Variants in GRID2 observed in about 807,000 individuals in gnomAD.
GRID2 encodes the protein glutamate receptor ionotropic, delta-2.
A neutral mutation model predicts 114.8 loss-of-function variants in GRID2; 33 were observed. That is an observed-to-expected ratio of 0.29 (90% CI 0.22 to 0.38). GRID2 has a LOEUF of 0.38. Ranked by LOEUF, GRID2 falls within the 10% of genes least tolerant of loss-of-function variation. The pLI, the probability that GRID2 is intolerant of heterozygous loss-of-function variation, is 1.00. For synonymous variants in GRID2, 505 were observed against 449.9 expected, an observed-to-expected ratio of 1.12 and a Z score of -1.55; for missense variants, 1,184 against 1,257.7, an observed-to-expected ratio of 0.94 and a Z score of 0.89.
At chr4:92,340,004 T>C (rs1011875124) in intron 1 of GRID2, among the ~76,000 whole-genome samples, 3 of 152,168 alleles carry the variant, frequency 2.0e-5, no homozygotes, top group Non-Finnish European at 4.4e-5. Context: ...TGGCATTTTC[T>C]TGAAAACTGG....
At chr4:93,056,606 C>T (rs1727268986) in intron 2 of GRID2, among the ~76,000 whole-genome samples, 1 of 151,800 alleles carries the variant, frequency 6.6e-6, no homozygotes. Context: ...TTCTAACTAC[C>T]CTTTTTCAAT....
intron 2 of GRID2, among the ~76,000 whole-genome samples, chr4:92,849,265 A>C (rs1477191302): frequency 6.6e-6 from 1 of 151,956 alleles, no homozygotes; most frequent in Admixed American, 6.6e-5. Context: ...AGGATACATC[A>C]GCAGATGCAT....
chr4:92,769,487 C>T (rs899464597), intron 2 of GRID2, among the ~76,000 whole-genome samples: 1 of 152,196 alleles, frequency 6.6e-6, no homozygotes, highest in African/African-American at 2.4e-5. Context: ...AGTGGGGACT[C>T]TGTATGGGGG....
At chr4:92,901,833 G>C (rs928654520) in intron 2 of GRID2, among the ~76,000 whole-genome samples, 1 of 151,934 alleles carries the variant, frequency 6.6e-6, no homozygotes, top group Non-Finnish European at 1.5e-5. Flanking sequence ...TTGTGTGTGT[G>C]TGTGTGTGTG....
chr4:93,448,793 T>C (rs138440135), intron 10 of GRID2, among the ~76,000 whole-genome samples: 970 of 6,640 alleles, frequency 0.15, 17 homozygotes, highest in African/African-American at 0.33. Context: ...GCCCTCCCCT[T>C]CCCTTCCCTT....
At position 92,309,018 on chromosome 4, in the gene GRID2, C is replaced by T. The variant is rs548227260; in HGVS notation, c.88+4274C>T. Among the ~76,000 whole-genome samples the T allele has an allele frequency of 3.9e-5, 6 of 152,028 alleles. No homozygotes were observed. In the East Asian group the frequency reaches 1.2e-3, roughly 29 times the overall value. On this transcript the variant is annotated intron_variant, in intron 1 of 15. Coordinates refer to ENST00000282020, the MANE Select transcript of GRID2 (RefSeq NM_001510.4). ...ACAATGTTGTTATTAATCAAAGATA[C>T]CAACTATGACATGACTAATAAGCCA... is the stretch of plus-strand genomic sequence containing the variant.
chr4:93,444,526 C>T (rs1721914794), intron 10 of GRID2, among the ~76,000 whole-genome samples: 1 of 151,904 alleles, frequency 6.6e-6, no homozygotes, highest in Non-Finnish European at 1.5e-5. Flanking sequence ...ACCCAAGAAA[C>T]ACTTTTCAAA....
chr4:93,684,862 A>T (rs1454086813), intron 14 of GRID2, among the ~76,000 whole-genome samples: 1 of 152,058 alleles, frequency 6.6e-6, no homozygotes, highest in African/African-American at 2.4e-5. Flanking sequence ...GACCATGACT[A>T]AAGTTTGGTC....
chr4:93,461,371 G>A (rs780421141), intron 11 of GRID2, among the ~76,000 whole-genome samples: 2 of 152,050 alleles, frequency 1.3e-5, no homozygotes, highest in Non-Finnish European at 2.9e-5. Flanking sequence ...ATCAATGACA[G>A]TGTCCATGTA....
intron 2 of GRID2, among the ~76,000 whole-genome samples, chr4:92,773,244 C>T (rs1471367675): frequency 6.6e-6 from 1 of 152,146 alleles, no homozygotes; most frequent in East Asian, 1.9e-4. Context: ...CTCTGAAATG[C>T]CACTCTGGCA....
intron 14 of GRID2, among the ~76,000 whole-genome samples, chr4:93,656,657 C>T (rs537821043): frequency 1.0e-4 from 15 of 149,488 alleles, no homozygotes; most frequent in Non-Finnish European, 1.8e-4. Flanking sequence ...GGTGAAACCC[C>T]GTCTCTACTA....
intron 4 of GRID2, among the ~76,000 whole-genome samples, chr4:93,121,460 G>A (rs918919889): frequency 1.3e-5 from 2 of 152,132 alleles, no homozygotes; most frequent in African/African-American, 2.4e-5. Flanking sequence ...CATTATATCT[G>A]TGAGATTCAT....
intron 10 of GRID2, among the ~76,000 whole-genome samples, chr4:93,450,031 C>T (rs1384572111): frequency 1.3e-5 from 2 of 151,570 alleles, no homozygotes; most frequent in Admixed American, 1.3e-4. Flanking sequence ...TTTATTTGAC[C>T]TTAAATTTAG....
intron 4 of GRID2, among the ~76,000 whole-genome samples, chr4:93,153,535 G>C (rs1480476612): frequency 1.3e-5 from 2 of 152,020 alleles, no homozygotes; most frequent in African/African-American, 4.8e-5. Context: ...CCTGAGTTAG[G>C]TAGCAGTGAG....
intron 8 of GRID2, among the ~76,000 whole-genome samples, chr4:93,288,514 T>G (rs1753413156): frequency 6.6e-6 from 1 of 152,252 alleles, no homozygotes; most frequent in African/African-American, 2.4e-5. Context: ...GGCCACTATC[T>G]TGCAGGAGAA....
intron 4 of GRID2, among the ~76,000 whole-genome samples, chr4:93,166,389 A>G (rs1189411532): frequency 6.6e-6 from 1 of 152,160 alleles, no homozygotes; most frequent in Non-Finnish European, 1.5e-5. Flanking sequence ...GAAAGAAAAG[A>G]AGTCAGGTGA....
chr4:93,085,121 C>T lies in GRID2; in HGVS notation c.371C>T (p.Ala124Val), dbSNP rs753535129. The change falls in exon 3 of 16, where the codon GCT becomes GTT. Residue 124 changes from alanine to valine, a missense_variant. By Grantham distance (64) the Ala-to-Val change is moderately conservative. Transcript: ENST00000282020. ...CACCTCTTCATTCAGCGCTCAACAG[C>T]TGGGACCCCAAGGAGTGGCTGTGGA... is the stretch of plus-strand genomic sequence containing the variant. ...IPHLFIQRSTAGTPRSGCGLT... is the reference protein window; with the variant it reads ...IPHLFIQRSTVGTPRSGCGLT... The T allele has an allele frequency of 3.1e-6, 5 of 1,614,162 alleles. No homozygotes were observed. Among genetic ancestry groups the T allele is most frequent in the Non-Finnish European group, 4.2e-6 (5 of 1,180,028 alleles).
intron 4 of GRID2, among the ~76,000 whole-genome samples, chr4:93,175,493 T>A (rs557810955): frequency 1.3e-5 from 2 of 152,094 alleles, no homozygotes; most frequent in African/African-American, 4.8e-5. Flanking sequence ...ATGATAAACA[T>A]CTTTTCATGT....
At chr4:93,485,378 T>G (rs1726284770) in intron 11 of GRID2, among the ~76,000 whole-genome samples, 1 of 151,768 alleles carries the variant, frequency 6.6e-6, no homozygotes, top group Non-Finnish European at 1.5e-5. Flanking sequence ...AACTATGAAG[T>G]ATTATTGCAG....
Sources: allele counts gnomAD v4.1 joint callset (sites outside exome capture counted in the v4.1 genomes callset), GRCh38; gene constraint gnomAD v4.1.1; transcripts MANE v1.5; gene names NCBI Gene and HGNC (gene_info 2026-07-23, HGNC 2026-07-21).